The following TMBIM4 variants were observed in gnomAD, a reference collection of about 807,000 sequenced individuals.
The protein encoded by TMBIM4 is transmembrane BAX inhibitor motif containing 4, also known as protein lifeguard 4.
In TMBIM4, 28 loss-of-function variants were observed where a neutral mutation model predicts 27.7. The observed-to-expected ratio is 1.01, with a 90% CI of 0.75 to 1.38. The LOEUF is 1.38. TMBIM4 is among the 40% of genes most tolerant of loss of function. TMBIM4 has a pLI of 0.00. For synonymous variants in TMBIM4, 115 were observed against 113.1 expected, an observed-to-expected ratio of 1.02 and a Z score of -0.11; for missense variants, 265 against 277.5, an observed-to-expected ratio of 0.95 and a Z score of 0.32.
chr12:66,165,339 T>A (rs973338576), intron 1 of TMBIM4, among the ~76,000 whole-genome samples: 1 of 151,794 alleles, frequency 6.6e-6, no homozygotes, highest in Non-Finnish European at 1.5e-5. Context: ...CAAAACAGTG[T>A]GGTACTAACA....
chr12:66,168,531 A>T (rs2052173814), intron 1 of TMBIM4, among the ~76,000 whole-genome samples: 1 of 152,236 alleles, frequency 6.6e-6, no homozygotes, highest in African/African-American at 2.4e-5. Context: ...GTATATAGTG[A>T]ACTATAACCT....
intron 1 of TMBIM4, chr12:66,169,310 G>A (rs750506827): frequency 1.4e-6 from 1 of 694,718 alleles, no homozygotes; most frequent in Non-Finnish European, 2.6e-6. Context: ...TCTGTGTTGA[G>A]CAACTTCCTC....
chr12:66,162,989 T>A (rs1168746), intron 1 of TMBIM4, among the ~76,000 whole-genome samples: 9,829 of 152,254 alleles, frequency 0.065, 1,037 homozygotes, highest in African/African-American at 0.22. Context: ...TTACATACAT[T>A]AGAAAGGGGC....
intron 1 of TMBIM4, chr12:66,160,378 T>C: frequency 1.7e-6 from 1 of 587,326 alleles, no homozygotes; most frequent in Non-Finnish European, 3.1e-6. Context: ...AAATTTATAG[T>C]AAAGTCATAA....
chr12:66,141,219 A>T (rs991376134), intron 5 of TMBIM4, among the ~76,000 whole-genome samples: 3 of 152,156 alleles, frequency 2.0e-5, no homozygotes, highest in Non-Finnish European at 4.4e-5. Flanking sequence ...AAGGACTTCT[A>T]TTTTTAAAAT....
intron 5 of TMBIM4, chr12:66,144,861 A>G: frequency 6.6e-6 from 1 of 152,202 alleles, no homozygotes; most frequent in East Asian, 1.9e-4. Context: ...CATTTCTATC[A>G]ATCAATGTAA....
At chr12:66,145,083 A>G (rs552235848) in intron 5 of TMBIM4, among the ~76,000 whole-genome samples, 49 of 152,308 alleles carry the variant, frequency 3.2e-4, no homozygotes, top group African/African-American at 1.0e-3. Flanking sequence ...CTCTCCCTAA[A>G]TCAAACTCCA....
intron 1 of TMBIM4, chr12:66,169,121 A>T (rs1276376059): frequency 2.6e-5 from 15 of 581,832 alleles, no homozygotes; most frequent in Non-Finnish European, 4.5e-5. Flanking sequence ...CTTTTCCAGA[A>T]CAAGTTCCAG....
At position 66,137,807 on chromosome 12, in the gene TMBIM4, A is replaced by G; in HGVS notation, c.*153T>C. ...GATTTTAAAGCTCTCAAAATTACATATGATACAAATAAAGATTGTAACAGT... is the reference window on the plus strand; with the variant it reads ...GATTTTAAAGCTCTCAAAATTACATGTGATACAAATAAAGATTGTAACAGT... On this transcript the variant is annotated 3_prime_UTR_variant, in exon 7 of 7. Coordinates refer to ENST00000358230, the MANE Select transcript of TMBIM4 (RefSeq NM_016056.4). 2 of 620,000 alleles carry G rather than the reference A, an allele frequency of 3.2e-6. No individual in the cohort carries two copies. Among genetic ancestry groups the G allele is most frequent in the South Asian group, 4.1e-5 (2 of 48,220 alleles). The allele number at this position is 620,000 out of a possible 1,614,324, so 38.4% of individuals were successfully genotyped here.
intron 6 of TMBIM4, 50 bp downstream of exon 6, chr12:66,138,674 T>C: frequency 7.1e-7 from 1 of 1,410,680 alleles, no homozygotes; most frequent in Non-Finnish European, 9.6e-7. Context: ...GTTATTTATA[T>C]TGACACAGCC....
In TMBIM4 at chr12:66,158,312, G is replaced by A. The variant is rs138872250; in HGVS notation, c.98-4864C>T. On this transcript the variant is annotated intron_variant, in intron 1 of 6. Coordinates refer to ENST00000358230, the MANE Select transcript of TMBIM4 (RefSeq NM_016056.4). ...AAAGAGTATAATTGTAAAATCCTTA[G>A]TTAAGACCTCACAAATATCCAAAAT... is the stretch of plus-strand genomic sequence containing the variant. Among the ~76,000 whole-genome samples the A allele has an allele frequency of 1.6e-3, 246 of 151,390 alleles. 7 individuals carry two copies. In the East Asian group the frequency reaches 0.041, roughly 25 times the overall value.
intron 5 of TMBIM4, among the ~76,000 whole-genome samples, chr12:66,143,419 G>A (rs1029598928): frequency 2.6e-5 from 4 of 152,080 alleles, no homozygotes; most frequent in African/African-American, 9.7e-5. Context: ...GAAAGAAAAT[G>A]AGCCCTGATT....
chr12:66,154,613 A>G (rs1378628548), intron 1 of TMBIM4, among the ~76,000 whole-genome samples: 1 of 152,210 alleles, frequency 6.6e-6, no homozygotes, highest in Non-Finnish European at 1.5e-5. Context: ...CTTTTACCCA[A>G]CAAAAGAAAA....
At chr12:66,145,561 G>A (rs2051737112) in intron 5 of TMBIM4, among the ~76,000 whole-genome samples, 1 of 151,736 alleles carries the variant, frequency 6.6e-6, no homozygotes, top group African/African-American at 2.4e-5. Flanking sequence ...ATTCCATAAT[G>A]TTAATAAAGC....
rs1424438435 is a variant in TMBIM4, at chr12:66,137,759, T to C, written c.*201A>G. The C allele has an allele frequency of 1.9e-6, 1 of 525,954 alleles. No homozygotes were observed. The highest frequency in any genetic ancestry group is 3.4e-6 in the Non-Finnish European group (1 of 297,818). The allele number at this position is 525,954 out of a possible 1,614,324, so 32.6% of individuals were successfully genotyped here. A position where few individuals can be genotyped will look rare whatever the true frequency, so the allele number is the denominator to read the frequency against. ...AGATCCTAAATCAAGGATTTAGAAA[T>C]GAGGTATCATAAAGAATAGTAAGAT... On this transcript the variant is annotated 3_prime_UTR_variant, in exon 7 of 7. Transcript: ENST00000358230.
intron 5 of TMBIM4, 50 bp downstream of exon 5, chr12:66,145,791 T>C (rs200932791): frequency 1.0e-5 from 11 of 1,090,204 alleles, no homozygotes; most frequent in Admixed American, 2.1e-5. Flanking sequence ...AAACCACCTA[T>C]AATAATTAAA....
At chr12:66,158,031 C>T (rs1246656380) in intron 1 of TMBIM4, among the ~76,000 whole-genome samples, 1 of 151,664 alleles carries the variant, frequency 6.6e-6, no homozygotes, top group Non-Finnish European at 1.5e-5. Flanking sequence ...TCAAGACCAT[C>T]CTCGCTAACA....
chr12:66,167,208 C>T (rs984897724), intron 1 of TMBIM4, among the ~76,000 whole-genome samples: 9 of 152,144 alleles, frequency 5.9e-5, no homozygotes, highest in African/African-American at 4.8e-5. Flanking sequence ...ATTTGTCAAA[C>T]TCATAGAATA....
chr12:66,138,604 T>C lies in TMBIM4; in HGVS notation c.510+120A>G, dbSNP rs1000430720. 1.4e-5 allele frequency: 10 copies of C among 690,836 alleles called. No individual in the cohort carries two copies. The African/African-American group carries it at 1.7e-4, about 12-fold the overall frequency. The allele number at this position is 690,836 out of a possible 1,614,324, so 42.8% of individuals were successfully genotyped here. Reference sequence around the variant, plus strand: ...ATTCTATAATCATTCTATATACAAATGTTCTGGATAATTATAACTAAGTGT... The same window carrying C: ...ATTCTATAATCATTCTATATACAAACGTTCTGGATAATTATAACTAAGTGT... On this transcript the variant is annotated intron_variant, in intron 6 of 6. Coordinates refer to ENST00000358230, the MANE Select transcript of TMBIM4 (RefSeq NM_016056.4).
Sources: allele counts gnomAD v4.1 joint callset (sites outside exome capture counted in the v4.1 genomes callset), GRCh38; gene constraint gnomAD v4.1.1; transcripts MANE v1.5; gene names NCBI Gene and HGNC (gene_info 2026-07-23, HGNC 2026-07-21).